Variants in BTRC observed in about 807,000 individuals in gnomAD.
BTRC encodes F-box/WD repeat-containing protein 1A.
BTRC carries 42 observed loss-of-function variants against 85.5 expected under a neutral mutation model. The ratio of observed to expected loss-of-function variants is 0.49; its 90% CI spans 0.38 to 0.64. BTRC has a LOEUF of 0.64. Ranked by LOEUF, BTRC falls within the 30% of genes least tolerant of loss-of-function variation. The pLI is 0.00. For missense variants in BTRC, 594 were observed against 743.5 expected, an observed-to-expected ratio of 0.80 and a Z score of 2.34; for synonymous variants, 255 against 263.3, an observed-to-expected ratio of 0.97 and a Z score of 0.30.
At chr10:101,480,122 A>G (rs980588045) in intron 4 of BTRC, among the ~76,000 whole-genome samples, 2 of 152,254 alleles carry the variant, frequency 1.3e-5, no homozygotes, top group Non-Finnish European at 2.9e-5. Flanking sequence ...AATAAGTACT[A>G]TTAAGTATGG....
chr10:101,405,486 A>G (rs1943598523), intron 1 of BTRC, among the ~76,000 whole-genome samples: 1 of 152,190 alleles, frequency 6.6e-6, no homozygotes, highest in African/African-American at 2.4e-5. Flanking sequence ...TTAAGCTAGA[A>G]CTAGAGGGCT....
intron 1 of BTRC, among the ~76,000 whole-genome samples, chr10:101,403,477 G>T (rs1264851283): frequency 2.0e-5 from 3 of 152,082 alleles, no homozygotes; most frequent in Non-Finnish European, 4.4e-5. Flanking sequence ...TTGCCTATAT[G>T]GCCATAAGGG....
At chr10:101,454,841 A>G (rs1223654721) in intron 2 of BTRC, among the ~76,000 whole-genome samples, 1 of 152,176 alleles carries the variant, frequency 6.6e-6, no homozygotes, top group Admixed American at 6.6e-5. Context: ...TGGTGAGACT[A>G]TGAAGAAACT....
chr10:101,432,319 G>C (rs1040237970), intron 2 of BTRC, among the ~76,000 whole-genome samples: 2 of 151,652 alleles, frequency 1.3e-5, no homozygotes, highest in Non-Finnish European at 2.9e-5. Context: ...GTGGAGATAG[G>C]GTTTCACCAT....
At chr10:101,473,465 C>CTTTTTT (rs869163139) in intron 3 of BTRC, among the ~76,000 whole-genome samples, 5 of 96,770 alleles carry the variant, frequency 5.2e-5, no homozygotes, top group East Asian at 7.0e-4. Context: ...TCTTTTTTCT[C>CTTTTTT]TTTTTTTTTT....
At position 101,354,390 on chromosome 10, in the gene BTRC, G is replaced by A. The variant is rs1331153766; in HGVS notation, c.48+162G>A. 2.8e-5 allele frequency: 22 copies of A among 773,618 alleles called. No homozygotes were observed. In the South Asian group the frequency reaches 4.3e-4, roughly 15 times the overall value. The allele number at this position is 773,618 out of a possible 1,614,324, so 47.9% of individuals were successfully genotyped here. On this transcript the variant is annotated intron_variant, in intron 1 of 14. Transcript: ENST00000370187. ...GGATGGGAGCTCCAGAAAGGAGGCT[G>A]GGGGTTGCGGAGCGGACCCAGGGGT...
At chr10:101,454,117 C>A (rs1410151016) in intron 2 of BTRC, among the ~76,000 whole-genome samples, 1 of 132,234 alleles carries the variant, frequency 7.6e-6, no homozygotes, top group Non-Finnish European at 1.8e-5. Context: ...AAAAACAAAA[C>A]AAAACAAAAC....
intron 13 of BTRC, among the ~76,000 whole-genome samples, chr10:101,549,162 C>T (rs568592627): frequency 2.6e-5 from 4 of 150,944 alleles, no homozygotes; most frequent in East Asian, 2.0e-4. Context: ...GGGCCAGGCA[C>T]AGTGGCCCAC....
At chr10:101,491,308 G>A (rs1946127083) in intron 4 of BTRC, among the ~76,000 whole-genome samples, 1 of 152,144 alleles carries the variant, frequency 6.6e-6, no homozygotes, top group Non-Finnish European at 1.5e-5. Context: ...TGTTGTCTGT[G>A]TCACAATTTG....
At chr10:101,370,539 A>C (rs1942604335) in intron 1 of BTRC, among the ~76,000 whole-genome samples, 1 of 152,008 alleles carries the variant, frequency 6.6e-6, no homozygotes, top group Admixed American at 6.6e-5. Flanking sequence ...TGTAGTCAAG[A>C]TTTTCAATTT....
chr10:101,542,946 G>A (rs967144602), intron 13 of BTRC, among the ~76,000 whole-genome samples: 8 of 152,038 alleles, frequency 5.3e-5, no homozygotes, highest in South Asian at 2.1e-4. Context: ...GCACGATGTC[G>A]GCTCACTGCA....
chr10:101,430,440 C>T lies in BTRC; in HGVS notation c.144C>T (p.Leu48=). ...RCLYNPGTGA[L]TAFQNSSERE... ...TGTATAACCCAGGGACTGGCGCACT[C>T]ACAGCTTTCCAGGTACTTTCTCTGT... Residue 48 remains leucine (L), a synonymous_variant, in exon 2 of 15, where the codon CTC becomes CTT. Transcript: ENST00000370187. 2 of 1,613,800 alleles carry T rather than the reference C, an allele frequency of 1.2e-6. No individual in the cohort carries two copies. Among genetic ancestry groups the T allele is most frequent in the Non-Finnish European group, 1.7e-6 (2 of 1,179,816 alleles).
intron 1 of BTRC, 116 bp downstream of exon 1, chr10:101,354,344 G>A: frequency 8.3e-7 from 1 of 1,205,520 alleles, no homozygotes; most frequent in South Asian, 1.6e-5. Context: ...CGAGGCTGGC[G>A]GCGGAGCGGC....
intron 1 of BTRC, among the ~76,000 whole-genome samples, chr10:101,408,544 C>T (rs138264330): frequency 2.6e-5 from 4 of 152,084 alleles, no homozygotes; most frequent in East Asian, 3.9e-4. Context: ...TGGACGCAAG[C>T]GATCTGCCAC....
intron 6 of BTRC, 124 bp downstream of exon 6, chr10:101,526,323 A>G (rs2062190761): frequency 1.2e-6 from 1 of 853,980 alleles, no homozygotes; most frequent in African/African-American, 1.7e-5. Flanking sequence ...GTTGATTTCT[A>G]GCTTAAAATG....
chr10:101,547,328 C>CTTTTTTTTTTT (rs71016332), intron 13 of BTRC, among the ~76,000 whole-genome samples: 5 of 79,636 alleles, frequency 6.3e-5, no homozygotes, highest in East Asian at 4.1e-4. Flanking sequence ...TATGGTTTTT[C>CTTTTTTTTTTT]TTTTTTTTTT....
At chr10:101,538,214 C>A in intron 12 of BTRC, 79 bp from the exon 13 acceptor site, 1 of 1,173,502 alleles carries the variant, frequency 8.5e-7, no homozygotes, top group South Asian at 1.2e-5. Context: ...TATTTATTGC[C>A]ATGAATTTCT....
chr10:101,542,661 T>A (rs1198735258), intron 13 of BTRC, among the ~76,000 whole-genome samples: 1 of 152,168 alleles, frequency 6.6e-6, no homozygotes, highest in Non-Finnish European at 1.5e-5. Flanking sequence ...AGCCTCAACC[T>A]CCCAGGCTCT....
At chr10:101,472,008 G>C (rs1002950200) in intron 3 of BTRC, among the ~76,000 whole-genome samples, 1 of 152,094 alleles carries the variant, frequency 6.6e-6, no homozygotes, top group Admixed American at 6.6e-5. Flanking sequence ...CCATCTTATA[G>C]TTTCCCTGGT....
Sources: gnomAD v4.1 joint callset for allele counts (sites outside exome capture counted in the v4.1 genomes callset) on GRCh38, gnomAD v4.1.1 for gene constraint, MANE v1.5 for transcripts, NCBI Gene and HGNC (gene_info 2026-07-23, HGNC 2026-07-21) for gene names.